Variants in SMCO4 observed in about 807,000 individuals in gnomAD.
SMCO4 encodes the protein single-pass membrane and coiled-coil domain-containing protein 4.
Under a neutral mutation model 3.6 loss-of-function variants are expected in SMCO4, and 4 were observed. The observed-to-expected ratio is 1.11, with a 90% confidence interval of 0.54 to 2.53. The LOEUF (loss-of-function observed/expected upper bound fraction) is 2.53, where lower values mean the gene tolerates loss of function less well. SMCO4 is among the 30% of genes most tolerant of loss of function. The pLI, the probability that SMCO4 is intolerant of heterozygous loss-of-function variation, is 0.02. For synonymous variants in SMCO4, 36 were observed against 35.3 expected, an observed-to-expected ratio of 1.02 and a Z score of -0.07; for missense variants, 70 against 80.8, an observed-to-expected ratio of 0.87 and a Z score of 0.51.
At chr11:93,487,196 G>T (rs781684100) in intron 2 of SMCO4, among the ~76,000 whole-genome samples, 1 of 152,112 alleles carries the variant, frequency 6.6e-6, no homozygotes, top group Non-Finnish European at 1.5e-5. Context: ...AGCCATAACG[G>T]GCCTGTGATC....
chr11:93,550,926 A>G, the SMCO4 span, among the ~76,000 whole-genome samples: 13 of 152,292 alleles, frequency 8.5e-5, no homozygotes, highest in South Asian at 2.5e-3. Context: ...GGTCTGGCAC[A>G]TTTTTTAACA....
At chr11:93,545,007 G>A (rs573287986), upstream of SMCO4, among the ~76,000 whole-genome samples, 4 of 152,288 alleles carry the variant, frequency 2.6e-5, 1 homozygote, top group South Asian at 8.3e-4. Flanking sequence ...CTCCACACTA[G>A]GGCAGAGGGA....
At chr11:93,520,552 C>G (rs910583783) in intron 1 of SMCO4, among the ~76,000 whole-genome samples, 4 of 152,176 alleles carry the variant, frequency 2.6e-5, no homozygotes, top group Non-Finnish European at 4.4e-5. Flanking sequence ...TTAACTATCC[C>G]TAAACTATAT....
intron 1 of SMCO4, among the ~76,000 whole-genome samples, chr11:93,532,973 C>T (rs1042639931): frequency 2.0e-5 from 3 of 152,178 alleles, no homozygotes; most frequent in African/African-American, 4.8e-5. Context: ...ACACCTAGAA[C>T]AGTGTATTTC....
chr11:93,544,173 T>C (rs1949297543), upstream of SMCO4, among the ~76,000 whole-genome samples: 1 of 151,978 alleles, frequency 6.6e-6, no homozygotes, highest in Admixed American at 6.6e-5. Flanking sequence ...CTTCACAGAG[T>C]TGTGAGAATT....
intron 2 of SMCO4, among the ~76,000 whole-genome samples, chr11:93,491,284 T>C (rs1342047211): frequency 1.3e-5 from 2 of 152,202 alleles, no homozygotes; most frequent in African/African-American, 2.4e-5. Flanking sequence ...CTTGCCCATC[T>C]GAAATATGCA....
Position 93,479,005 on chromosome 11 carries a change from G to A in SMCO4, c.*5C>T, listed in dbSNP as rs553446492. ...GCCGATGGGGTCCGCAGCCGGCTGC[G>A]GGGCTCACTCGGTGATGGTGGGGCG... On this transcript the variant is annotated 3_prime_UTR_variant, in exon 3 of 3. Transcript: ENST00000298966. 12 of 1,599,960 alleles carry A rather than the reference G, an allele frequency of 7.5e-6. No homozygotes were observed. Among genetic ancestry groups the A allele is most frequent in the South Asian group, 4.4e-5 (4 of 90,688 alleles).
upstream of SMCO4, among the ~76,000 whole-genome samples, chr11:93,547,764 CAA>C (rs776063574): frequency 2.1e-4 from 32 of 152,166 alleles, no homozygotes; most frequent in Admixed American, 1.8e-3. Flanking sequence ...GGAGAAAAGA[CAA>C]AGAGAATATA....
rs553609284 is a variant in SMCO4, at chr11:93,484,475, A to G, written c.-80-5206T>C. ...CTGGTTAAACGATCTTGGACAAGGT[A>G]CTAAATCTCTCACGTCCCGACTCTC... On this transcript the variant is annotated intron_variant, in intron 2 of 2. Coordinates refer to ENST00000298966, the MANE Select transcript of SMCO4 (RefSeq NM_020179.3). Among the ~76,000 whole-genome samples the G allele has an allele frequency of 2.2e-4, 33 of 152,310 alleles. No individual in the cohort carries two copies. In the South Asian group the frequency reaches 6.6e-3, roughly 31 times the overall value.
intron 2 of SMCO4, among the ~76,000 whole-genome samples, chr11:93,482,081 C>A (rs1485635767): frequency 6.6e-6 from 1 of 152,252 alleles, no homozygotes; most frequent in Non-Finnish European, 1.5e-5. Flanking sequence ...GGGGCCAGGG[C>A]CGGTCTGGTC....
At chr11:93,479,294 T>C (rs1427619904) in intron 2 of SMCO4, 25 bp from the exon 3 acceptor site, 2 of 1,480,640 alleles carry the variant, frequency 1.4e-6, no homozygotes, top group Non-Finnish European at 9.0e-7. Flanking sequence ...ACTGTGATAG[T>C]AGAGAATAAA....
intron 1 of SMCO4, among the ~76,000 whole-genome samples, chr11:93,527,705 C>T (rs1380650745): frequency 3.3e-5 from 5 of 152,192 alleles, no homozygotes; most frequent in Admixed American, 6.5e-5. Flanking sequence ...AAGTGATCCT[C>T]CTGCCTCAGT....
intron 2 of SMCO4, among the ~76,000 whole-genome samples, chr11:93,480,839 A>G (rs2134565158): frequency 6.6e-6 from 1 of 152,306 alleles, no homozygotes; most frequent in South Asian, 2.1e-4. Flanking sequence ...ATCTCTTACC[A>G]TTCCTCTCAC....
At chr11:93,500,971 C>T (rs936289777) in intron 1 of SMCO4, among the ~76,000 whole-genome samples, 4 of 152,152 alleles carry the variant, frequency 2.6e-5, no homozygotes, top group African/African-American at 4.8e-5. Flanking sequence ...TACAGAACAG[C>T]GACAGGGACA....
chr11:93,493,324 G>C (rs1477595986), intron 2 of SMCO4, among the ~76,000 whole-genome samples: 1 of 152,128 alleles, frequency 6.6e-6, no homozygotes, highest in Non-Finnish European at 1.5e-5. Context: ...CTGGGCACCA[G>C]AACAGAGGAG....
intron 1 of SMCO4, among the ~76,000 whole-genome samples, chr11:93,534,925 A>G (rs928142470): frequency 6.6e-6 from 1 of 152,174 alleles, no homozygotes; most frequent in African/African-American, 2.4e-5. Flanking sequence ...AAGCACCACA[A>G]TATTCCCATA....
intron 1 of SMCO4, among the ~76,000 whole-genome samples, chr11:93,517,186 G>C (rs1019042054): frequency 2.0e-5 from 3 of 152,130 alleles, no homozygotes; most frequent in African/African-American, 7.2e-5. Context: ...CATCTCCATC[G>C]ATGTGTGCTC....
At chr11:93,518,042 T>C (rs1949023738) in intron 1 of SMCO4, among the ~76,000 whole-genome samples, 1 of 152,210 alleles carries the variant, frequency 6.6e-6, no homozygotes, top group South Asian at 2.1e-4. Context: ...CTCTATCTAG[T>C]TTCAAAACAT....
intron 2 of SMCO4, among the ~76,000 whole-genome samples, chr11:93,493,965 T>C (rs550605221): frequency 1.3e-5 from 2 of 152,292 alleles, no homozygotes; most frequent in East Asian, 3.9e-4. Flanking sequence ...CTCTCAGACA[T>C]ACCCCTCTCT....
Sources: allele counts gnomAD v4.1 joint callset (sites outside exome capture counted in the v4.1 genomes callset), GRCh38; gene constraint gnomAD v4.1.1; transcripts MANE v1.5; gene names NCBI Gene and HGNC (gene_info 2026-07-23, HGNC 2026-07-21).